Variants in RASA2 observed in about 807,000 individuals in gnomAD.
RASA2 encodes the protein RAS p21 protein activator 2.
A neutral mutation model predicts 118.2 loss-of-function variants in RASA2; 155 were observed. The observed-to-expected ratio is 1.31, with a 90% CI of 1.15 to 1.50. RASA2 has a LOEUF of 1.50. Among genes scored for constraint, RASA2 ranks in the 40% most tolerant of loss-of-function variants. RASA2 has a pLI of 0.00. For missense variants in RASA2, 1,016 were observed against 1,009.6 expected, an observed-to-expected ratio of 1.01 and a Z score of -0.09; for synonymous variants, 353 against 349.1, an observed-to-expected ratio of 1.01 and a Z score of -0.12.
intron 9 of RASA2, among the ~76,000 whole-genome samples, chr3:141,567,622 G>A (rs552862095): frequency 2.0e-5 from 3 of 151,982 alleles, no homozygotes; most frequent in Non-Finnish European, 4.4e-5. Flanking sequence ...AATGCAATTC[G>A]TGTCATAATT....
intron 3 of RASA2, among the ~76,000 whole-genome samples, chr3:141,519,291 T>A (rs2082075805): frequency 6.6e-6 from 1 of 152,176 alleles, no homozygotes; most frequent in Non-Finnish European, 1.5e-5. Context: ...TTGAAAAAAA[T>A]TTGCCAATAT....
chr3:141,497,176 G>A (rs1383673853), intron 1 of RASA2, among the ~76,000 whole-genome samples: 1 of 105,280 alleles, frequency 9.5e-6, no homozygotes, highest in Non-Finnish European at 1.8e-5. Context: ...GGGGTGGGGG[G>A]AGAGGGGAGG....
At chr3:141,559,601 T>A (rs1282910697) in intron 8 of RASA2, among the ~76,000 whole-genome samples, 1 of 152,140 alleles carries the variant, frequency 6.6e-6, no homozygotes, top group East Asian at 1.9e-4. Context: ...GTAGTTTCTT[T>A]CTGTAGTCCT....
chr3:141,577,172 T>A (rs1167327857), intron 15 of RASA2, 66 bp downstream of exon 15: 7 of 1,260,920 alleles, frequency 5.6e-6, no homozygotes, highest in Non-Finnish European at 7.7e-6. Flanking sequence ...GAAGAAAAGA[T>A]AAAATAAACC....
Position 141,487,113 on chromosome 3 carries a change from G to C in RASA2, c.30G>C (p.Ala10=). Reference sequence around the variant, plus strand: ...CGGCGGCGGCGCCTGCTGCTGCGGCGGCTTCTTCCGAGGCGCCAGCGGCGA... The same window carrying C: ...CGGCGGCGGCGCCTGCTGCTGCGGCCGCTTCTTCCGAGGCGCCAGCGGCGA... MAAAAPAAA[A]ASSEAPAASA... Residue 10 remains alanine (A), a synonymous_variant, in exon 1 of 24, where the codon GCG becomes GCC. Transcript: ENST00000286364. 1 of 1,417,264 alleles carries C rather than the reference G, an allele frequency of 7.1e-7. No homozygotes were observed. The highest frequency in any genetic ancestry group is 9.3e-7 in the Non-Finnish European group (1 of 1,072,958). The allele number at this position is 1,417,264 out of a possible 1,614,324, so 87.8% of individuals were successfully genotyped here. A position where few individuals can be genotyped will look rare whatever the true frequency, so the allele number is the denominator to read the frequency against.
intron 2 of RASA2, 104 bp from the exon 3 acceptor site, chr3:141,516,220 AAAAG>A (rs1440854790): frequency 1.3e-5 from 10 of 750,790 alleles, no homozygotes; most frequent in African/African-American, 3.8e-5. Flanking sequence ...ATATATTAAA[AAAAG>A]AAAGTGATAT....
At chr3:141,569,544 A>G (rs1443515116) in intron 9 of RASA2, among the ~76,000 whole-genome samples, 2 of 152,216 alleles carry the variant, frequency 1.3e-5, no homozygotes, top group Non-Finnish European at 2.9e-5. Context: ...TTAGGCAAGC[A>G]TATTGCTGAG....
chr3:141,497,503 G>A (rs973698232), intron 1 of RASA2, among the ~76,000 whole-genome samples: 31 of 152,260 alleles, frequency 2.0e-4, no homozygotes, highest in African/African-American at 6.3e-4. Context: ...TGCAAAACAA[G>A]AGTAATCAAA....
At chr3:141,561,056 A>G (rs980506368) in intron 9 of RASA2, among the ~76,000 whole-genome samples, 1 of 152,116 alleles carries the variant, frequency 6.6e-6, no homozygotes. Flanking sequence ...CATTTTGTGT[A>G]TTATAGTTTG....
At chr3:141,598,530 A>G (rs2107790274) in intron 19 of RASA2, among the ~76,000 whole-genome samples, 1 of 152,366 alleles carries the variant, frequency 6.6e-6, no homozygotes, top group South Asian at 2.1e-4. Flanking sequence ...AATTCTGTTC[A>G]ATACTGAAGA....
At chr3:141,496,484 C>G (rs924969523) in intron 1 of RASA2, among the ~76,000 whole-genome samples, 1 of 152,038 alleles carries the variant, frequency 6.6e-6, no homozygotes, top group African/African-American at 2.4e-5. Flanking sequence ...AAAAAACAAC[C>G]CCATGAAAAA....
intron 20 of RASA2, among the ~76,000 whole-genome samples, chr3:141,608,174 A>T (rs1025467093): frequency 2.6e-5 from 4 of 152,158 alleles, no homozygotes; most frequent in African/African-American, 9.7e-5. Flanking sequence ...TTGTTCCTAA[A>T]TATTTTTCTA....
rs1018332800 is a variant in RASA2 at position 141,609,774 on chromosome 3, A to G, written c.2330-103A>G. 10 of 1,103,342 alleles carry G rather than the reference A, an allele frequency of 9.1e-6. No individual in the cohort carries two copies. In the African/African-American group the frequency reaches 1.4e-4, roughly 16 times the overall value. 68.3% of individuals were successfully genotyped at this position (1,103,342 alleles called of 1,614,324 possible). ...AGTTATCTCGGCTCTGCCAAGGGAAATCCCCTCAGCATAAGACACTTGAAA... is the reference window on the plus strand; with the variant it reads ...AGTTATCTCGGCTCTGCCAAGGGAAGTCCCCTCAGCATAAGACACTTGAAA... On this transcript the variant is annotated intron_variant, in intron 22 of 23. Transcript: ENST00000286364.
chr3:141,566,174 TAG>T (rs551260116), intron 9 of RASA2, among the ~76,000 whole-genome samples: 85 of 152,350 alleles, frequency 5.6e-4, no homozygotes, highest in African/African-American at 1.9e-3. Flanking sequence ...GGAGGAGTGA[TAG>T]AGTTATAAAA....
chr3:141,512,641 A>G lies in RASA2; in HGVS notation c.251+361A>G, dbSNP rs547877690. 5.9e-5 allele frequency among the ~76,000 whole-genome samples: 9 copies of G among 152,348 alleles called. No homozygotes were observed. In the East Asian group the frequency reaches 1.5e-3, roughly 26 times the overall value. On this transcript the variant is annotated intron_variant, in intron 2 of 23. Coordinates refer to ENST00000286364, the MANE Select transcript of RASA2 (RefSeq NM_006506.5). ...ATAGATGTCTCATCTTTGAAAGTGT[A>G]ATTGCCCTTTGAGAGTATCATATTA...
At chr3:141,608,453 C>G in intron 20 of RASA2, 36 bp from the exon 21 acceptor site, 2 of 1,597,864 alleles carry the variant, frequency 1.3e-6, no homozygotes, top group South Asian at 2.2e-5. Flanking sequence ...TTTTTGGACT[C>G]TTGTCACTAA....
intron 1 of RASA2, among the ~76,000 whole-genome samples, chr3:141,498,087 T>C (rs989214826): frequency 3.3e-5 from 5 of 152,244 alleles, no homozygotes; most frequent in South Asian, 2.1e-4. Flanking sequence ...ATATAAAATA[T>C]TCTTGGTAGA....
intron 2 of RASA2, 56 bp downstream of exon 2, chr3:141,512,336 AT>A: frequency 8.3e-7 from 1 of 1,206,796 alleles, no homozygotes; most frequent in Non-Finnish European, 1.2e-6. Context: ...GGTAAATATT[AT>A]GCATTTTCCA....
chr3:141,576,428 T>G (rs2083013037), intron 14 of RASA2, among the ~76,000 whole-genome samples: 1 of 152,220 alleles, frequency 6.6e-6, no homozygotes, highest in South Asian at 2.1e-4. Context: ...TTGGGTAAAT[T>G]GTTGACTCCA....
Sources: allele counts gnomAD v4.1 joint callset (sites outside exome capture counted in the v4.1 genomes callset), GRCh38; gene constraint gnomAD v4.1.1; transcripts MANE v1.5; gene names NCBI Gene and HGNC (gene_info 2026-07-23, HGNC 2026-07-21).